Variants in ATRX observed in about 807,000 individuals in gnomAD.
ATRX encodes the protein chromatin remodeler ATRX.
In ATRX, 12 loss-of-function variants were observed where a neutral mutation model predicts 172.6. That is an observed-to-expected ratio of 0.07 (90% CI 0.04 to 0.11). The LOEUF is 0.11. Among genes scored for constraint, ATRX ranks in the 10% least tolerant of loss-of-function variants. The probability of loss-of-function intolerance (pLI) is 1.00; values close to 1 mark genes in which losing one functional copy is unlikely to be tolerated. For missense variants in ATRX, 1,368 were observed against 1,767.4 expected (o/e 0.77, Z 4.05); for synonymous variants, 674 against 594.7 (o/e 1.13, Z -1.94).
At chrX:77,756,377 C>A (rs1378344463) in intron 1 of ATRX, among the ~76,000 whole-genome samples, 1 of 109,372 alleles carries the variant, frequency 9.1e-6, no homozygotes, top group African/African-American at 3.3e-5. Context: ...ACTGGGGTTC[C>A]AGGCACCACT....
chrX:77,776,686 T>C (rs2076362445), intron 1 of ATRX, among the ~76,000 whole-genome samples: 1 of 112,221 alleles, frequency 8.9e-6, no homozygotes, highest in Non-Finnish European at 1.9e-5. Context: ...GAAGTTTGCT[T>C]GTGAAGTGGG....
intron 1 of ATRX, among the ~76,000 whole-genome samples, chrX:77,718,822 C>T (rs782709526): frequency 1.8e-5 from 2 of 111,450 alleles, no homozygotes; most frequent in South Asian, 7.5e-4. Flanking sequence ...GGCTTGAGCA[C>T]AGTGGCGTGA....
intron 1 of ATRX, among the ~76,000 whole-genome samples, chrX:77,723,148 A>G (rs782063989): frequency 8.1e-5 from 9 of 111,145 alleles, no homozygotes; most frequent in Non-Finnish European, 1.7e-4. Flanking sequence ...ATGAGAACAC[A>G]TGGACACAGG....
intron 1 of ATRX, among the ~76,000 whole-genome samples, chrX:77,740,817 T>A (rs1294895250): frequency 3.7e-5 from 4 of 109,441 alleles, no homozygotes; most frequent in Non-Finnish European, 7.6e-5. Context: ...AGGAAAAAAA[T>A]TAAAACAAAG....
chrX:77,756,602 G>A (rs1037379592), intron 1 of ATRX, among the ~76,000 whole-genome samples: 46 of 109,854 alleles, frequency 4.2e-4, no homozygotes, highest in African/African-American at 1.4e-3. Context: ...GAGATCTCTC[G>A]CTCCTTGCAC....
At chrX:77,564,266 G>A (rs1043029656) in intron 28 of ATRX, among the ~76,000 whole-genome samples, 1 of 111,721 alleles carries the variant, frequency 9.0e-6, no homozygotes, top group Non-Finnish European at 1.9e-5. Flanking sequence ...TACCAATCTT[G>A]TATATATACA....
At chrX:77,642,744 T>C (rs1484339063) in intron 15 of ATRX, among the ~76,000 whole-genome samples, 1 of 111,631 alleles carries the variant, frequency 9.0e-6, no homozygotes, top group African/African-American at 3.3e-5. Context: ...CACAGAACTA[T>C]TTTGTAAACA....
chrX:77,783,947 C>T (rs1277066572), intron 1 of ATRX, among the ~76,000 whole-genome samples: 1 of 112,264 alleles, frequency 8.9e-6, no homozygotes, highest in African/African-American at 3.2e-5. Flanking sequence ...ACATAGTACA[C>T]CTGGACACAA....
rs1300566587 is a variant in ATRX at position 77,774,793 on chromosome X, T to C, written c.20+11189A>G. Among the ~76,000 whole-genome samples, 8 of 112,243 alleles carry C rather than the reference T, an allele frequency of 7.1e-5. No individual in the cohort carries two copies. In the Admixed American group the frequency reaches 7.6e-4, roughly 11 times the overall value. ...GGCATGATCATAGTTCATGGCAGCC[T>C]GGAACTTCTAGGCTCAAGTGATCCT... is the stretch of plus-strand genomic sequence containing the variant. On this transcript the variant is annotated intron_variant, in intron 1 of 34. Coordinates refer to ENST00000373344, the MANE Select transcript of ATRX (RefSeq NM_000489.6).
At position 77,515,122 on chromosome X, in the gene ATRX, G is replaced by C. The variant is rs781966975; in HGVS notation, c.7200+5666C>G. On this transcript the variant is annotated intron_variant, in intron 34 of 34. Coordinates refer to ENST00000373344, the MANE Select transcript of ATRX (RefSeq NM_000489.6). The stretch of plus-strand genomic sequence containing the variant: ...CAAAAGATGCTGGTGAGGTTGTAGA[G>C]AAAAAGGAATGCTTATACACTGCTG... Among the ~76,000 whole-genome samples, 4 of 111,762 alleles carry C rather than the reference G, an allele frequency of 3.6e-5. No individual in the cohort carries two copies. The East Asian group carries it at 8.5e-4, about 24-fold the overall frequency.
intron 22 of ATRX, among the ~76,000 whole-genome samples, chrX:77,610,684 A>G (rs1557093500): frequency 9.0e-6 from 1 of 110,825 alleles, no homozygotes; most frequent in Non-Finnish European, 1.9e-5. Flanking sequence ...TTTCACAGAA[A>G]TGGGTACTAT....
At chrX:77,559,278 G>T (rs782139086) in intron 28 of ATRX, among the ~76,000 whole-genome samples, 1 of 107,472 alleles carries the variant, frequency 9.3e-6, no homozygotes, top group Non-Finnish European at 1.9e-5. Context: ...ACAGCATAAA[G>T]AATGTAAGGA....
rs560022376 is a variant in ATRX, at chrX:77,525,227, T to C, written c.6700-1826A>G. 1.2e-4 allele frequency among the ~76,000 whole-genome samples: 14 copies of C among 112,325 alleles called. No individual in the cohort carries two copies. The South Asian group carries it at 4.5e-3, about 36-fold the overall frequency. On this transcript the variant is annotated intron_variant, in intron 30 of 34. Coordinates refer to ENST00000373344, the MANE Select transcript of ATRX (RefSeq NM_000489.6). ...AACTTGCTATCGAAGCTGACTTCTCTGGCTTATGCCACATACAATAGGTTT... is the reference window on the plus strand; with the variant it reads ...AACTTGCTATCGAAGCTGACTTCTCCGGCTTATGCCACATACAATAGGTTT...
intron 10 of ATRX, among the ~76,000 whole-genome samples, chrX:77,665,649 A>T (rs1476775629): frequency 8.9e-6 from 1 of 112,257 alleles, no homozygotes; most frequent in Non-Finnish European, 1.9e-5. Context: ...CTCAAGAAAA[A>T]TAACTGAAAA....
rs377672896 is a variant in ATRX, at chrX:77,725,538, A to T, written c.21-8295T>A. ...AAAACCCTAGAAGAAAACCTAGGCA[A>T]TACCATTCAGGACATAGGCATGGGC... On this transcript the variant is annotated intron_variant, in intron 1 of 34. Transcript: ENST00000373344. Among the ~76,000 whole-genome samples, 33 of 111,863 alleles carry T rather than the reference A, an allele frequency of 3.0e-4. 2 individuals are homozygous for T. Among genetic ancestry groups the T allele is most frequent in the Admixed American group, 2.4e-3 (25 of 10,485 alleles).
chrX:77,641,451 C>T (rs1181364932), intron 15 of ATRX, among the ~76,000 whole-genome samples: 1 of 109,520 alleles, frequency 9.1e-6, no homozygotes, highest in Admixed American at 9.8e-5. Context: ...CATGGTGGCA[C>T]ACGCCTGTAG....
chrX:77,508,083 T>G lies in ATRX; in HGVS notation c.*268A>C. The G allele has an allele frequency of 3.6e-6, 1 of 277,678 alleles. No individual in the cohort carries two copies. The highest frequency in any genetic ancestry group is 6.3e-6 in the Non-Finnish European group (1 of 158,478). The allele number at this position is 277,678 out of a possible 1,213,427, so 22.9% of individuals were successfully genotyped here. On this transcript the variant is annotated 3_prime_UTR_variant, in exon 35 of 35. Coordinates refer to ENST00000373344, the MANE Select transcript of ATRX (RefSeq NM_000489.6). ...GAGGAAATCTGTGGAGTTGTTACTA[T>G]TATGGAAGGACTTGTTTTCACTGAA...
At chrX:77,736,055 A>C (rs2074548052) in intron 1 of ATRX, among the ~76,000 whole-genome samples, 1 of 110,305 alleles carries the variant, frequency 9.1e-6, no homozygotes, top group Non-Finnish European at 1.9e-5. Context: ...TGCTCTATAC[A>C]TAAATAAAAT....
chrX:77,705,319 C>A (rs2072757358), intron 2 of ATRX, among the ~76,000 whole-genome samples: 1 of 111,424 alleles, frequency 9.0e-6, no homozygotes, highest in Non-Finnish European at 1.9e-5. Context: ...AGGTCTACAG[C>A]CATGCTTAGG....
Sources: gnomAD v4.1 joint callset for allele counts (sites outside exome capture counted in the v4.1 genomes callset) on GRCh38, gnomAD v4.1.1 for gene constraint, MANE v1.5 for transcripts, NCBI Gene and HGNC (gene_info 2026-07-23, HGNC 2026-07-21) for gene names.